The following MAPK4 variants were observed in gnomAD, a reference collection of about 807,000 sequenced individuals.
MAPK4 encodes the protein mitogen-activated protein kinase 4, also known as Erk3-related.
Under a neutral mutation model 47.7 loss-of-function variants are expected in MAPK4, and 22 were observed. The observed-to-expected ratio is 0.46, with a 90% CI of 0.33 to 0.66. The LOEUF is 0.66. Ranked by LOEUF, MAPK4 falls within the 30% of genes least tolerant of loss-of-function variation. The probability of loss-of-function intolerance (pLI) is 0.02; values close to 1 mark genes in which losing one functional copy is unlikely to be tolerated. For missense variants in MAPK4, 736 were observed against 831.7 expected (o/e 0.88, Z 1.42); for synonymous variants, 390 against 365.7 (o/e 1.07, Z -0.76).
At chr18:50,671,303 G>A (rs1173942769) in intron 2 of MAPK4, among the ~76,000 whole-genome samples, 2 of 152,188 alleles carry the variant, frequency 1.3e-5, no homozygotes, top group African/African-American at 2.4e-5. Context: ...GACTGTTTAT[G>A]TTTAGGTTTG....
intron 1 of MAPK4, among the ~76,000 whole-genome samples, chr18:50,630,049 C>A (rs2042815006): frequency 6.6e-6 from 1 of 152,218 alleles, no homozygotes; most frequent in South Asian, 2.1e-4. Context: ...TGATGGGGAA[C>A]CTGAAGGAAC....
intron 1 of MAPK4, among the ~76,000 whole-genome samples, chr18:50,583,288 A>T (rs2042362066): frequency 1.3e-5 from 2 of 152,210 alleles, no homozygotes; most frequent in South Asian, 4.1e-4. Context: ...AAAAGGCATC[A>T]TTCAGAAGGA....
upstream of MAPK4, among the ~76,000 whole-genome samples, chr18:50,559,916 G>C (rs967774642): frequency 6.6e-6 from 1 of 151,220 alleles, no homozygotes; most frequent in African/African-American, 2.4e-5. Flanking sequence ...GGAGGCTGCG[G>C]GAGGGCAGAG....
At chr18:50,619,464 C>G (rs7233571) in intron 1 of MAPK4, among the ~76,000 whole-genome samples, 6,251 of 152,216 alleles carry the variant, frequency 0.041, 384 homozygotes, top group African/African-American at 0.14. Flanking sequence ...CAGGCATGTG[C>G]CACCACACCT....
intron 2 of MAPK4, among the ~76,000 whole-genome samples, chr18:50,687,450 C>T (rs573737962): frequency 1.3e-5 from 2 of 152,230 alleles, no homozygotes; most frequent in African/African-American, 2.4e-5. Context: ...CCCAAATTGC[C>T]CCCCAGTTGA....
intron 1 of MAPK4, among the ~76,000 whole-genome samples, chr18:50,571,603 G>T (rs1221468590): frequency 6.6e-6 from 1 of 152,110 alleles, no homozygotes; most frequent in Non-Finnish European, 1.5e-5. Flanking sequence ...AGTAACTTGG[G>T]CTCTTAAGGT....
rs753884087 is a variant in MAPK4, at chr18:50,721,994, G to A, written c.748G>A (p.Glu250Lys). Residue 250 changes from glutamate (E) to lysine (K), a missense_variant, in exon 4 of 6, where the codon GAG (glutamate) becomes AAG (lysine). Physicochemically the swap from Glu to Lys is moderately conservative, Grantham distance 56. This residue lies in a region of MAPK4 where 327 missense variants were observed against 395.4 expected (regional missense o/e 0.83). Coordinates refer to ENST00000400384, the MANE Select transcript of MAPK4 (RefSeq NM_002747.4). ...CCTGGAGACCATCCCTGTAATCCGG[G>A]AGGAAGACAAGGACGAGCTGCTCAG... ...LILETIPVIR[E>K]EDKDELLRVM... is the part of the protein sequence containing the mutation. The A allele has an allele frequency of 3.1e-6, 5 of 1,614,088 alleles. No homozygotes were observed. In the East Asian group the frequency reaches 8.9e-5, roughly 29 times the overall value.
At chr18:50,673,855 C>CA (rs1273413663) in intron 2 of MAPK4, among the ~76,000 whole-genome samples, 5 of 151,462 alleles carry the variant, frequency 3.3e-5, no homozygotes, top group Non-Finnish European at 4.4e-5. Context: ...GACTCCGTCT[C>CA]AAAAAAAACA....
At chr18:50,726,289 C>A (rs540301928) in intron 5 of MAPK4, 114 bp downstream of exon 5, 51 of 968,220 alleles carry the variant, frequency 5.3e-5, no homozygotes, top group African/African-American at 5.1e-4. Context: ...GCTCATTGGA[C>A]GACTTCTCCA....
intron 2 of MAPK4, among the ~76,000 whole-genome samples, chr18:50,700,137 C>T (rs1012886142): frequency 6.6e-6 from 1 of 152,198 alleles, no homozygotes; most frequent in African/African-American, 2.4e-5. Context: ...AAGCCCAAGC[C>T]TTCTAATCAC....
chr18:50,570,701 T>C (rs2042242344), intron 1 of MAPK4, among the ~76,000 whole-genome samples: 1 of 152,200 alleles, frequency 6.6e-6, no homozygotes, highest in Non-Finnish European at 1.5e-5. Context: ...GTTTTTGGCT[T>C]TTAGAATGCT....
chr18:50,566,619 G>A (rs4939634), intron 1 of MAPK4, among the ~76,000 whole-genome samples: 62,730 of 152,060 alleles, frequency 0.41, 13,928 homozygotes, highest in Non-Finnish European at 0.49. Flanking sequence ...TCATTAATTC[G>A]AACTGATTAC....
intron 1 of MAPK4, among the ~76,000 whole-genome samples, chr18:50,627,091 G>A (rs550943434): frequency 5.3e-5 from 7 of 131,154 alleles, no homozygotes; most frequent in Non-Finnish European, 9.2e-5. Context: ...CTCCATTTCC[G>A]CTCCTGCTTT....
At chr18:50,614,269 A>C (rs1318445605) in intron 1 of MAPK4, among the ~76,000 whole-genome samples, 2 of 152,136 alleles carry the variant, frequency 1.3e-5, no homozygotes, top group African/African-American at 4.8e-5. Context: ...TAAAAGACTA[A>C]AAAATTAAAT....
intron 1 of MAPK4, among the ~76,000 whole-genome samples, chr18:50,654,737 G>T (rs1037201068): frequency 1.3e-5 from 2 of 152,194 alleles, no homozygotes; most frequent in Non-Finnish European, 2.9e-5. Flanking sequence ...CTGGTGCTAT[G>T]CCCGTGGCCA....
intron 1 of MAPK4, among the ~76,000 whole-genome samples, chr18:50,582,367 T>C (rs1020571571): frequency 2.0e-5 from 3 of 152,186 alleles, no homozygotes; most frequent in Non-Finnish European, 4.4e-5. Flanking sequence ...CAGAGTGGCC[T>C]AAGAAAGTGC....
chr18:50,718,773 C>T lies in MAPK4; in HGVS notation c.692-3165C>T, dbSNP rs1910769402. 2.0e-5 allele frequency among the ~76,000 whole-genome samples: 3 copies of T among 151,902 alleles called. No individual in the cohort carries two copies. The South Asian group carries it at 6.2e-4, about 32-fold the overall frequency. On this transcript the variant is annotated intron_variant, in intron 3 of 5. Coordinates refer to ENST00000400384, the MANE Select transcript of MAPK4 (RefSeq NM_002747.4). Reference sequence around the variant, plus strand: ...TAATATTAATTATATGTTAATGTAACATTAAGTAACAAGAAAAGGTAAAAT... The same window carrying T: ...TAATATTAATTATATGTTAATGTAATATTAAGTAACAAGAAAAGGTAAAAT...
At position 50,560,198 on chromosome 18, in the gene MAPK4, A is replaced by C. The variant is rs2042139970; in HGVS notation, c.-916A>C. 1.3e-5 allele frequency: 2 copies of C among 150,358 alleles called. No homozygotes were observed. The highest frequency in any genetic ancestry group is 3.0e-5 in the Non-Finnish European group (2 of 67,452). 9.3% of individuals were successfully genotyped at this position (150,358 alleles called of 1,614,324 possible). The stretch of plus-strand genomic sequence containing the variant: ...CGCGCCGGCGCCGCGGCCGCAGACA[A>C]AGGGCGGCTCGCGCCCGGGCCGCCA... On this transcript the variant is annotated 5_prime_UTR_variant, in exon 1 of 6. Coordinates refer to ENST00000400384, the MANE Select transcript of MAPK4 (RefSeq NM_002747.4).
In MAPK4 at chr18:50,679,996, C is replaced by T. The variant is rs529520070; in HGVS notation, c.546+15492C>T. Among the ~76,000 whole-genome samples the T allele has an allele frequency of 3.3e-5, 5 of 152,222 alleles. No individual in the cohort carries two copies. The South Asian group carries it at 1.0e-3, about 32-fold the overall frequency. On this transcript the variant is annotated intron_variant, in intron 2 of 5. Coordinates refer to ENST00000400384, the MANE Select transcript of MAPK4 (RefSeq NM_002747.4). The stretch of plus-strand genomic sequence containing the variant: ...CCACCAAGGGACCCAGCGCTCGCCG[C>T]CCCACACACAGCGAGTTAGGAAAAG...
Sources: gnomAD v4.1 joint callset for allele counts (sites outside exome capture counted in the v4.1 genomes callset) on GRCh38, gnomAD v4.1.1 for gene constraint, gnomAD v4.1.1 regional missense constraint, MANE v1.5 for transcripts, NCBI Gene and HGNC (gene_info 2026-07-23, HGNC 2026-07-21) for gene names.